Variants in CTNNA3 observed in about 807,000 individuals in gnomAD.
The protein encoded by CTNNA3 is catenin alpha 3.
CTNNA3 carries 76 observed loss-of-function variants against 95.7 expected under a neutral mutation model. The ratio of observed to expected loss-of-function variants is 0.79; its 90% CI spans 0.66 to 0.96. The LOEUF (loss-of-function observed/expected upper bound fraction) is 0.96. Ranked by LOEUF, CTNNA3 falls within the 40% of genes least tolerant of loss-of-function variation. The pLI is 0.00. For synonymous variants in CTNNA3, 431 were observed against 374.4 expected (o/e 1.15, Z -1.74); for missense variants, 1,191 against 1,089.8 (o/e 1.09, Z -1.31).
intron 7 of CTNNA3, among the ~76,000 whole-genome samples, chr10:66,854,950 A>C (rs566212371): frequency 6.6e-6 from 1 of 152,046 alleles, no homozygotes; most frequent in Non-Finnish European, 1.5e-5. Flanking sequence ...AATGTCTAGA[A>C]ATATTACATA....
At chr10:66,144,019 T>A (rs769455249) in intron 13 of CTNNA3, among the ~76,000 whole-genome samples, 1 of 152,258 alleles carries the variant, frequency 6.6e-6, no homozygotes, top group African/African-American at 2.4e-5. Context: ...GACCTTTAAA[T>A]ACACACAAAA....
chr10:67,484,771 C>A (rs1351622609), intron 5 of CTNNA3, among the ~76,000 whole-genome samples: 1 of 151,768 alleles, frequency 6.6e-6, no homozygotes, highest in Non-Finnish European at 1.5e-5. Flanking sequence ...CACAGAATGG[C>A]TATTATGAAA....
intron 4 of CTNNA3, among the ~76,000 whole-genome samples, chr10:67,522,994 A>G (rs1024336847): frequency 6.6e-6 from 1 of 152,204 alleles, no homozygotes; most frequent in Non-Finnish European, 1.5e-5. Context: ...AGACAGGCTA[A>G]TAAGATTTTA....
intron 3 of CTNNA3, among the ~76,000 whole-genome samples, chr10:67,580,317 T>C (rs1842339789): frequency 6.6e-6 from 1 of 152,220 alleles, no homozygotes; most frequent in Non-Finnish European, 1.5e-5. Context: ...TAAGGAATCC[T>C]TTCCTCCTTT....
chr10:66,698,825 A>C (rs1037575243), intron 9 of CTNNA3, among the ~76,000 whole-genome samples: 7 of 152,176 alleles, frequency 4.6e-5, no homozygotes, highest in Non-Finnish European at 8.8e-5. Context: ...AGATGAAACA[A>C]AACATCCAAG....
intron 12 of CTNNA3, among the ~76,000 whole-genome samples, chr10:66,368,126 CT>C (rs1228664943): frequency 1.3e-5 from 2 of 151,774 alleles, no homozygotes; most frequent in Non-Finnish European, 2.9e-5. Context: ...TCAAGAAGAT[CT>C]ACACAAGTTA....
At chr10:67,250,041 T>G (rs1471306623) in intron 5 of CTNNA3, among the ~76,000 whole-genome samples, 2 of 152,220 alleles carry the variant, frequency 1.3e-5, no homozygotes, top group African/African-American at 4.8e-5. Flanking sequence ...GTTGTTATAC[T>G]GTATTTTTAA....
At chr10:67,424,673 AATC>A (rs946703584) in intron 5 of CTNNA3, among the ~76,000 whole-genome samples, 61 of 152,246 alleles carry the variant, frequency 4.0e-4, no homozygotes, top group African/African-American at 1.4e-3. Flanking sequence ...GAAAAAATAG[AATC>A]ATCATTATAC....
chr10:66,855,838 C>A (rs1843664747), intron 7 of CTNNA3, among the ~76,000 whole-genome samples: 1 of 151,980 alleles, frequency 6.6e-6, no homozygotes, highest in African/African-American at 2.4e-5. Context: ...CCAACACATG[C>A]AAGGGTAAGT....
At chr10:66,446,948 C>T (rs2093426786) in intron 11 of CTNNA3, among the ~76,000 whole-genome samples, 1 of 151,684 alleles carries the variant, frequency 6.6e-6, no homozygotes, top group Non-Finnish European at 1.5e-5. Context: ...CCCAAAATCT[C>T]CTTAAGCTGA....
chr10:65,976,249 T>G (rs965972091), intron 16 of CTNNA3, among the ~76,000 whole-genome samples: 1 of 152,324 alleles, frequency 6.6e-6, no homozygotes, highest in East Asian at 1.9e-4. Flanking sequence ...ATTGATAATC[T>G]TATTTGTCAA....
intron 14 of CTNNA3, among the ~76,000 whole-genome samples, chr10:66,102,101 G>A (rs2081657207): frequency 6.6e-6 from 1 of 152,054 alleles, no homozygotes; most frequent in Non-Finnish European, 1.5e-5. Context: ...GTATGCGCCA[G>A]CCTTTCAATA....
intron 1 of CTNNA3, among the ~76,000 whole-genome samples, chr10:67,725,153 T>C (rs977829603): frequency 1.3e-5 from 2 of 151,916 alleles, no homozygotes; most frequent in Admixed American, 1.3e-4. Flanking sequence ...CATCCACTTA[T>C]ATATAGTATT....
chr10:66,777,202 G>A (rs914592973), intron 7 of CTNNA3, among the ~76,000 whole-genome samples: 15 of 152,154 alleles, frequency 9.9e-5, no homozygotes, highest in African/African-American at 3.6e-4. Context: ...CAAGATATCT[G>A]GCATTCGTGG....
At chr10:66,318,276 A>ATATATATGTGTG (rs33943741) in intron 12 of CTNNA3, among the ~76,000 whole-genome samples, 51 of 136,658 alleles carry the variant, frequency 3.7e-4, no homozygotes, top group African/African-American at 9.5e-4. Flanking sequence ...ATATATATAT[A>ATATATATGTGTG]TGTGTGTGTG....
chr10:67,348,654 A>G (rs1400128799), intron 5 of CTNNA3, among the ~76,000 whole-genome samples: 1 of 152,052 alleles, frequency 6.6e-6, no homozygotes, highest in Non-Finnish European at 1.5e-5. Context: ...ATCGCACATG[A>G]ATTCACAGAA....
At chr10:66,031,265 G>A (rs1447631739) in intron 15 of CTNNA3, among the ~76,000 whole-genome samples, 2 of 152,056 alleles carry the variant, frequency 1.3e-5, no homozygotes, top group Non-Finnish European at 2.9e-5. Context: ...TATGTTCATC[G>A]CAGCACTATT....
At chr10:67,503,431 T>G (rs1225329537) in intron 5 of CTNNA3, among the ~76,000 whole-genome samples, 2 of 152,226 alleles carry the variant, frequency 1.3e-5, no homozygotes, top group African/African-American at 4.8e-5. Context: ...TGCCCCTATA[T>G]GTCTATCTTA....
chr10:66,604,243 A>T (rs1410717936), intron 10 of CTNNA3, among the ~76,000 whole-genome samples: 1 of 152,174 alleles, frequency 6.6e-6, no homozygotes, highest in Non-Finnish European at 1.5e-5. Flanking sequence ...TAGCAAAAAC[A>T]AAGAACAAAA....
Sources: gnomAD v4.1 joint callset for allele counts (sites outside exome capture counted in the v4.1 genomes callset) on GRCh38, gnomAD v4.1.1 for gene constraint, MANE v1.5 for transcripts, NCBI Gene and HGNC (gene_info 2026-07-23, HGNC 2026-07-21) for gene names.